RBPJ: variants seen among roughly 807,000 people sequenced by gnomAD.
RBPJ encodes the protein recombining binding protein suppressor of hairless.
A neutral mutation model predicts 67.8 loss-of-function variants in RBPJ; 9 were observed. The ratio of observed to expected loss-of-function variants is 0.13; its 90% CI spans 0.08 to 0.23. The LOEUF (loss-of-function observed/expected upper bound fraction) is 0.23, where lower values mean the gene tolerates loss of function less well. RBPJ is among the 10% of genes least tolerant of loss of function. The pLI is 1.00. For synonymous variants in RBPJ, 198 were observed against 203.3 expected, an observed-to-expected ratio of 0.97 and a Z score of 0.22; for missense variants, 305 against 595.6, an observed-to-expected ratio of 0.51 and a Z score of 5.08.
At chr4:26,201,295 G>A (rs1717972880) in intron 1 of RBPJ, among the ~76,000 whole-genome samples, 2 of 152,128 alleles carry the variant, frequency 1.3e-5, no homozygotes, top group South Asian at 2.1e-4. Flanking sequence ...TAGGATGTTG[G>A]AGACGGAAAA....
chr4:26,223,053 G>A (rs796710276), intron 1 of RBPJ, among the ~76,000 whole-genome samples: 6 of 151,758 alleles, frequency 4.0e-5, no homozygotes, highest in African/African-American at 1.5e-4. Flanking sequence ...TACTCAGGAG[G>A]CTGAGGCAGG....
chr4:26,191,505 A>G (rs1215245472), intron 1 of RBPJ, among the ~76,000 whole-genome samples: 1 of 152,032 alleles, frequency 6.6e-6, no homozygotes, highest in Non-Finnish European at 1.5e-5. Flanking sequence ...CTCAGAACAT[A>G]GTTGTACTCA....
At chr4:26,229,390 A>G (rs895966100) in intron 1 of RBPJ, among the ~76,000 whole-genome samples, 3 of 152,172 alleles carry the variant, frequency 2.0e-5, no homozygotes, top group Admixed American at 6.5e-5. Context: ...AGATTTCCAT[A>G]GCTGGTCTCC....
chr4:26,411,365 C>CTT (rs369163154), intron 3 of RBPJ, among the ~76,000 whole-genome samples: 1 of 144,996 alleles, frequency 6.9e-6, no homozygotes, highest in African/African-American at 2.5e-5. Flanking sequence ...GTATTCTTGC[C>CTT]TTTTTTTTTT....
At chr4:26,251,631 C>CAAA (rs763009793) in intron 1 of RBPJ, among the ~76,000 whole-genome samples, 1 of 99,712 alleles carries the variant, frequency 1.0e-5, no homozygotes, top group Non-Finnish European at 2.1e-5. Flanking sequence ...GACTCTTTCT[C>CAAA]AAAAAAAAAA....
chr4:26,178,228 A>G (rs563027622), intron 1 of RBPJ, among the ~76,000 whole-genome samples: 15 of 152,334 alleles, frequency 9.8e-5, no homozygotes, highest in African/African-American at 3.4e-4. Context: ...TCTGAAGAGC[A>G]GGTGTCTTCC....
chr4:26,232,046 C>A (rs1205682656), intron 1 of RBPJ, among the ~76,000 whole-genome samples: 1 of 151,498 alleles, frequency 6.6e-6, no homozygotes, highest in East Asian at 2.0e-4. Flanking sequence ...CATGCATCAC[C>A]ATGCTCGGCC....
intron 1 of RBPJ, chr4:26,322,056 A>G (rs748885318): frequency 5.3e-5 from 8 of 150,904 alleles, no homozygotes; most frequent in Non-Finnish European, 1.0e-4. Context: ...TGGAAACAGT[A>G]GCCTTGGAAA....
At chr4:26,110,231 C>T in the RBPJ span, among the ~76,000 whole-genome samples, 2,945 of 152,260 alleles carry the variant, frequency 0.019, 34 homozygotes, top group Middle Eastern at 0.027. The surrounding 1 kb of genome is among the most constrained non-coding windows in gnomAD (Gnocchi z 4.5). Context: ...CTACCCCATT[C>T]GTTAGTTTCT....
chr4:26,297,382 G>C lies in RBPJ; in HGVS notation c.-166-65064G>C, dbSNP rs147011972. ...CGAGAGAAAGAGAGAGAGAGAGAGA[G>C]AGAGACAGAGAGAGACGGTGTATGG... On this transcript the variant is annotated intron_variant, in intron 1 of 4. Transcript: ENST00000512351. Among the ~76,000 whole-genome samples, 789 of 151,950 alleles carry C rather than the reference G, an allele frequency of 5.2e-3. 9 individuals carry two copies. Among genetic ancestry groups the C allele is most frequent in the African/African-American group, 0.018 (761 of 41,408 alleles).
the RBPJ span, among the ~76,000 whole-genome samples, chr4:26,143,652 C>T: frequency 2.0e-5 from 3 of 152,190 alleles, no homozygotes; most frequent in African/African-American, 7.2e-5. Flanking sequence ...TAAGGCTGGA[C>T]GTGGTGGCTT....
intron 1 of RBPJ, among the ~76,000 whole-genome samples, chr4:26,189,335 T>G (rs1418746120): frequency 3.9e-5 from 6 of 152,214 alleles, no homozygotes; most frequent in Non-Finnish European, 8.8e-5. Flanking sequence ...TGATCCAACC[T>G]GCCACATGTA....
At chr4:26,214,962 G>A (rs1386870078) in intron 1 of RBPJ, among the ~76,000 whole-genome samples, 1 of 26,974 alleles carries the variant, frequency 3.7e-5, no homozygotes, top group African/African-American at 3.1e-4. Context: ...GAAGGAAGGA[G>A]GGAGGGAGGG....
At chr4:26,189,435 A>T (rs1039612776) in intron 1 of RBPJ, among the ~76,000 whole-genome samples, 2 of 152,178 alleles carry the variant, frequency 1.3e-5, no homozygotes, top group Admixed American at 1.3e-4. Context: ...AGACAGGCAG[A>T]TCACTTGGGG....
intron 1 of RBPJ, among the ~76,000 whole-genome samples, chr4:26,226,144 G>A (rs1489006086): frequency 7.7e-6 from 1 of 129,928 alleles, no homozygotes; most frequent in Non-Finnish European, 1.6e-5. Context: ...GCGAGACTCT[G>A]TCAAAAAAAA....
chr4:26,374,587 T>C (rs1729515764), intron 1 of RBPJ, among the ~76,000 whole-genome samples: 1 of 151,964 alleles, frequency 6.6e-6, no homozygotes, highest in African/African-American at 2.4e-5. Flanking sequence ...GCAATTCTCC[T>C]GCCTCAGCCT....
intron 1 of RBPJ, among the ~76,000 whole-genome samples, chr4:26,342,832 A>G (rs1183429731): frequency 6.6e-6 from 1 of 152,168 alleles, no homozygotes; most frequent in Non-Finnish European, 1.5e-5. Context: ...CTGACATGCT[A>G]GGGAGCTTAG....
At chr4:26,157,100 A>AAC in the RBPJ span, among the ~76,000 whole-genome samples, 146 of 133,988 alleles carry the variant, frequency 1.1e-3, 1 homozygote, top group African/African-American at 3.7e-3. Flanking sequence ...CAAACAAACA[A>AAC]AAACAAACAA....
chr4:26,393,706 C>G (rs975362147), intron 2 of RBPJ, among the ~76,000 whole-genome samples: 2 of 151,652 alleles, frequency 1.3e-5, no homozygotes, highest in Non-Finnish European at 2.9e-5. Context: ...TTTTTTTTTC[C>G]TCCATTTCTC....
Sources: gnomAD v4.1 joint callset for allele counts (sites outside exome capture counted in the v4.1 genomes callset) on GRCh38, gnomAD v4.1.1 for gene constraint, Gnocchi (gnomAD v3.1) non-coding constraint, MANE v1.5 for transcripts, NCBI Gene and HGNC (gene_info 2026-07-23, HGNC 2026-07-21) for gene names.